Variants in DMD observed in about 807,000 individuals in gnomAD.
DMD encodes the protein dystrophin, also known as mutant dystrophin.
Under a neutral mutation model 330.1 loss-of-function variants are expected in DMD, and 63 were observed. That is an observed-to-expected ratio of 0.19 (90% CI 0.16 to 0.24). The LOEUF is 0.24. Ranked by LOEUF, DMD falls within the 10% of genes least tolerant of loss-of-function variation. The pLI is 1.00. For synonymous variants in DMD, 1,223 were observed against 959.8 expected (o/e 1.27, Z -5.07); for missense variants, 3,344 against 2,684.1 (o/e 1.25, Z -5.43).
intron 41 of DMD, among the ~76,000 whole-genome samples, chrX:32,316,341 A>G (rs772356097): frequency 3.8e-4 from 43 of 112,223 alleles, no homozygotes; most frequent in Non-Finnish European, 1.3e-4. Flanking sequence ...TTCCATTATA[A>G]AGATAAATTA....
intron 61 of DMD, among the ~76,000 whole-genome samples, chrX:31,342,060 T>G (rs1003184682): frequency 9.0e-6 from 1 of 111,185 alleles, no homozygotes; most frequent in Non-Finnish European, 1.9e-5. Flanking sequence ...TGTAAGTCAT[T>G]AAACTGATTT....
At chrX:31,871,055 C>A (rs1864554869) in intron 48 of DMD, among the ~76,000 whole-genome samples, 1 of 111,575 alleles carries the variant, frequency 9.0e-6, no homozygotes, top group Admixed American at 9.5e-5. Flanking sequence ...GTCCCGGGAT[C>A]TTAGCATTCA....
chrX:31,887,267 G>GA (rs957079036), intron 47 of DMD, among the ~76,000 whole-genome samples: 10 of 112,056 alleles, frequency 8.9e-5, no homozygotes, highest in Non-Finnish European at 1.5e-4. Context: ...TCATAACTTT[G>GA]AAAGTAAGTG....
intron 1 of DMD, among the ~76,000 whole-genome samples, chrX:33,239,600 A>G (rs192509494): frequency 8.9e-6 from 1 of 112,211 alleles, no homozygotes; most frequent in East Asian, 2.8e-4. Flanking sequence ...CAAACTTGTA[A>G]AATTCTTGTT....
At chrX:32,670,599 T>C in intron 9 of DMD, among the ~76,000 whole-genome samples, 1 of 111,982 alleles carries the variant, frequency 8.9e-6, no homozygotes, top group Non-Finnish European at 1.9e-5. Context: ...GAATGCTACC[T>C]AAATTATCAT....
intron 27 of DMD, among the ~76,000 whole-genome samples, chrX:32,446,880 G>C (rs775551987): frequency 1.8e-5 from 2 of 110,270 alleles, no homozygotes; most frequent in Non-Finnish European, 3.8e-5. Context: ...TCAATAATTT[G>C]ATAACTTCAA....
intron 55 of DMD, among the ~76,000 whole-genome samples, chrX:31,568,956 T>C: frequency 9.0e-6 from 1 of 111,452 alleles, no homozygotes; most frequent in Non-Finnish European, 1.9e-5. Context: ...TTCCAGGCAT[T>C]ACGATACGCA....
chrX:31,975,960 G>A (rs1179897319), intron 44 of DMD, among the ~76,000 whole-genome samples: 1 of 111,489 alleles, frequency 9.0e-6, no homozygotes, highest in Non-Finnish European at 1.9e-5. Context: ...TTCTCTACTG[G>A]TATTTGCCAT....
chrX:32,652,058 C>T (rs1474117545), intron 9 of DMD, among the ~76,000 whole-genome samples: 2 of 111,638 alleles, frequency 1.8e-5, no homozygotes, highest in Non-Finnish European at 3.8e-5. Context: ...GGGTATCATA[C>T]GTACACATAT....
chrX:31,206,750 A>AGGCCGGGCGCGGTGGCTC, intron 65 of DMD, 83 bp from the exon 66 acceptor site: 1 of 809,333 alleles, frequency 1.2e-6, no homozygotes, highest in Non-Finnish European at 1.8e-6. Flanking sequence ...AAAGCCTTGA[A>AGGCCGGGCGCGGTGGCTC]AAGGAAAAAT....
chrX:32,961,980 G>T (rs1321084266), intron 2 of DMD, among the ~76,000 whole-genome samples: 1 of 111,601 alleles, frequency 9.0e-6, no homozygotes, highest in Non-Finnish European at 1.9e-5. Context: ...TTAATAATTT[G>T]TACTTTTGAT....
chrX:33,262,485 A>G (rs1451770296), intron 1 of DMD, among the ~76,000 whole-genome samples: 1 of 111,308 alleles, frequency 9.0e-6, no homozygotes, highest in African/African-American at 3.3e-5. Context: ...AAGAAAAACA[A>G]GTTAGGGTGT....
intron 9 of DMD, among the ~76,000 whole-genome samples, chrX:32,675,947 G>A (rs1003927256): frequency 9.0e-6 from 1 of 111,431 alleles, no homozygotes; most frequent in Non-Finnish European, 1.9e-5. Context: ...CATTATCTAA[G>A]ATCAACACTC....
chrX:32,425,292 C>G (rs1255731557), intron 29 of DMD, among the ~76,000 whole-genome samples: 1 of 111,057 alleles, frequency 9.0e-6, no homozygotes, highest in African/African-American at 3.3e-5. Flanking sequence ...ATAAATTTAT[C>G]CTTGGTGGAT....
At chrX:32,202,557 G>A (rs1026472862) in intron 44 of DMD, among the ~76,000 whole-genome samples, 2 of 111,403 alleles carry the variant, frequency 1.8e-5, no homozygotes, top group Non-Finnish European at 1.9e-5. Flanking sequence ...TCGCCATGTT[G>A]GCCAGGATGG....
chrX:32,903,440 G>A (rs2086478017), intron 2 of DMD, among the ~76,000 whole-genome samples: 1 of 110,757 alleles, frequency 9.0e-6, no homozygotes, highest in Admixed American at 9.7e-5. Context: ...GCAATGCTGA[G>A]GGGTTTATTT....
intron 60 of DMD, among the ~76,000 whole-genome samples, chrX:31,359,527 C>T (rs1569532326): frequency 8.9e-6 from 1 of 112,277 alleles, no homozygotes; most frequent in Non-Finnish European, 1.9e-5. Context: ...AGAAATACCA[C>T]ATAACAACAC....
At chrX:33,009,627 T>TATAC (rs1425181290) in intron 2 of DMD, among the ~76,000 whole-genome samples, 1 of 64,152 alleles carries the variant, frequency 1.6e-5, no homozygotes, top group Non-Finnish European at 3.2e-5. Flanking sequence ...TGTGTATGTG[T>TATAC]GTATGTGTAT....
rs150988568 is a variant in DMD at position 32,680,758 on chromosome X, A to G, written c.960+17112T>C. Among the ~76,000 whole-genome samples, 50 of 109,276 alleles carry G rather than the reference A, an allele frequency of 4.6e-4. 1 individual carries two copies. The East Asian group carries it at 0.013, about 28-fold the overall frequency. 94.9% of individuals were successfully genotyped at this position (109,276 alleles called of 115,157 possible). A position where few individuals can be genotyped will look rare whatever the true frequency, so the allele number is the denominator to read the frequency against. ...GTTTGCTGTCTCTCTCCCCCCATCA[A>G]CTCTCCTTCCACCCACCCCAACCTT... is the stretch of plus-strand genomic sequence containing the variant. On this transcript the variant is annotated intron_variant, in intron 9 of 78. Coordinates refer to ENST00000357033, the MANE Select transcript of DMD (RefSeq NM_004006.3).
Sources: gnomAD v4.1 joint callset for allele counts (sites outside exome capture counted in the v4.1 genomes callset) on GRCh38, gnomAD v4.1.1 for gene constraint, MANE v1.5 for transcripts, NCBI Gene and HGNC (gene_info 2026-07-23, HGNC 2026-07-21) for gene names.